The following ALMS1 variants were observed in gnomAD, a reference collection of about 807,000 sequenced individuals.
The protein encoded by ALMS1 is ALMS1 centrosome and basal body associated protein.
Under a neutral mutation model 352.2 loss-of-function variants are expected in ALMS1, and 271 were observed. The observed-to-expected ratio is 0.77, with a 90% CI of 0.70 to 0.85. The LOEUF is 0.85. ALMS1 is among the 40% of genes least tolerant of loss of function. The pLI, the probability that ALMS1 is intolerant of heterozygous loss-of-function variation, is 0.00. For missense variants in ALMS1, 5,445 were observed against 4,870.7 expected (o/e 1.12, Z -3.51); for synonymous variants, 1,865 against 1,761.2 (o/e 1.06, Z -1.48).
intron 10 of ALMS1, among the ~76,000 whole-genome samples, chr2:73,511,410 G>A (rs920853603): frequency 5.3e-5 from 8 of 152,062 alleles, no homozygotes; most frequent in African/African-American, 1.9e-4. Context: ...GCTTCCCTTG[G>A]TTAGGGGAGG....
In ALMS1 at chr2:73,579,063, C is replaced by CTTTTTTT. The variant is rs372240184; in HGVS notation, c.11547+5640_11547+5646dup. Among the ~76,000 whole-genome samples, 303 of 119,018 alleles carry CTTTTTTT rather than the reference C, an allele frequency of 2.5e-3. 42 individuals carry two copies. Among genetic ancestry groups the CTTTTTTT allele is most frequent in the African/African-American group, 8.1e-3 (188 of 23,180 alleles). The allele number at this position is 119,018 out of a possible 152,430, so 78.1% of individuals were successfully genotyped here. ...GAATGTCTTTAATTTCTCCTTTATTCTTTTTTTATTTATTTTTTTTTTTGA... is the reference window on the plus strand; with the variant it reads ...GAATGTCTTTAATTTCTCCTTTATTCTTTTTTTTTTTTTTATTTATTTTTTTTTTTGA... On this transcript the variant is annotated intron_variant, in intron 16 of 22. Coordinates refer to ENST00000613296, the MANE Select transcript of ALMS1 (RefSeq NM_001378454.1).
At chr2:73,594,779 C>T (rs1256366134) in intron 16 of ALMS1, among the ~76,000 whole-genome samples, 1 of 152,242 alleles carries the variant, frequency 6.6e-6, no homozygotes, top group Non-Finnish European at 1.5e-5. Flanking sequence ...CCCCCACCTC[C>T]TTTCCTGATG....
Position 73,385,919 on chromosome 2 carries a change from GGAGGAGGAGGAGGAGGAGGAGGAA to G in ALMS1, c.62_85del (p.Glu21_Glu28del). 2 of 910,772 alleles carry G rather than the reference GGAGGAGGAGGAGGAGGAGGAGGAA, an allele frequency of 2.2e-6. No individual in the cohort carries two copies. The highest frequency in any genetic ancestry group is 3.5e-6 in the Non-Finnish European group (2 of 577,314). 56.4% of individuals were successfully genotyped at this position (910,772 alleles called of 1,614,324 possible). A position where few individuals can be genotyped will look rare whatever the true frequency, so the allele number is the denominator to read the frequency against. On this transcript the variant is annotated inframe_deletion, in exon 1 of 23. Transcript: ENST00000613296. ...CGGGCGAGCTGGAGGAGGAGGAGGA[GGAGGAGGAGGAGGAGGAGGAGGAA>G]GAGGAGGAGGCTGCAGCGGCGGCGG...
intron 10 of ALMS1, among the ~76,000 whole-genome samples, chr2:73,502,585 T>C (rs1423160985): frequency 6.6e-6 from 1 of 152,112 alleles, no homozygotes; most frequent in Non-Finnish European, 1.5e-5. Flanking sequence ...GAGGATGTTT[T>C]CTAAGTGAGT....
At chr2:73,528,515 A>G (rs1049977078) in intron 11 of ALMS1, among the ~76,000 whole-genome samples, 3 of 152,008 alleles carry the variant, frequency 2.0e-5, no homozygotes, top group Non-Finnish European at 4.4e-5. Context: ...CTTAAAGTCT[A>G]TTTTGTCTGA....
chr2:73,389,972 C>T (rs1012680590), intron 1 of ALMS1, among the ~76,000 whole-genome samples: 4 of 152,162 alleles, frequency 2.6e-5, no homozygotes, highest in Admixed American at 6.5e-5. Context: ...GAGGCATGAG[C>T]CACCGCGCCC....
chr2:73,389,270 C>G (rs965834910), intron 1 of ALMS1, among the ~76,000 whole-genome samples: 1 of 152,058 alleles, frequency 6.6e-6, no homozygotes, highest in South Asian at 2.1e-4. Context: ...CTTTTGCCCG[C>G]TTTTTAGTGG....
At chr2:73,444,282 G>T (rs1671767740) in intron 7 of ALMS1, among the ~76,000 whole-genome samples, 1 of 152,072 alleles carries the variant, frequency 6.6e-6, no homozygotes, top group African/African-American at 2.4e-5. Flanking sequence ...CTTTGAGTAG[G>T]GGTGCACCTA....
At chr2:73,598,253 C>T (rs1675594456) in intron 16 of ALMS1, among the ~76,000 whole-genome samples, 1 of 152,112 alleles carries the variant, frequency 6.6e-6, no homozygotes, top group African/African-American at 2.4e-5. Flanking sequence ...TTTTGGTTAG[C>T]CAGTAAAGTG....
chr2:73,480,795 G>C (rs1294636781), intron 9 of ALMS1, among the ~76,000 whole-genome samples: 1 of 151,434 alleles, frequency 6.6e-6, no homozygotes, highest in Admixed American at 6.6e-5. Flanking sequence ...GTATCTCATT[G>C]TGGTTTTGAT....
At chr2:73,589,100 G>C (rs976332187) in intron 16 of ALMS1, among the ~76,000 whole-genome samples, 3 of 151,946 alleles carry the variant, frequency 2.0e-5, no homozygotes, top group Admixed American at 1.3e-4. Flanking sequence ...ATAAAAATAT[G>C]AATTATGATT....
chr2:73,559,039 A>G lies in ALMS1; in HGVS notation c.10281A>G (p.Pro3427=), dbSNP rs373415829. 3.7e-6 allele frequency: 6 copies of G among 1,614,082 alleles called. No homozygotes were observed. Among genetic ancestry groups the G allele is most frequent in the Non-Finnish European group, 5.1e-6 (6 of 1,179,954 alleles). The change falls in exon 15 of 23, where the codon CCA becomes CCG. Residue 3427 remains proline (P), a synonymous_variant. Coordinates refer to ENST00000613296, the MANE Select transcript of ALMS1 (RefSeq NM_001378454.1). ...GAGACCCAGAAATGAAGAACTTGCC[A>G]GACACTAAAGCCATTACACAGAAAG... is the stretch of plus-strand genomic sequence containing the variant. The part of the protein sequence containing the change: ...QVGDPEMKNL[P]DTKAITQKEE...
chr2:73,394,920 T>G lies in ALMS1; in HGVS notation c.324+8728T>G, dbSNP rs139264824. 9.8e-3 allele frequency among the ~76,000 whole-genome samples: 1,479 copies of G among 151,380 alleles called. 99 individuals carry two copies. Among genetic ancestry groups the G allele is most frequent in the Admixed American group, 0.082 (1,236 of 15,152 alleles). ...CACTGTGGTAAGTATTTGTGTTGGA[T>G]ACGTTTGTGTATCTAACACAAATAC... On this transcript the variant is annotated intron_variant, in intron 1 of 22. Coordinates refer to ENST00000613296, the MANE Select transcript of ALMS1 (RefSeq NM_001378454.1).
intron 21 of ALMS1, 69 bp downstream of exon 21, chr2:73,603,373 C>A: frequency 1.4e-6 from 2 of 1,390,732 alleles, no homozygotes; most frequent in Non-Finnish European, 2.0e-6. Context: ...GGAGCTCTGG[C>A]TTGCACCCAG....
At chr2:73,575,232 G>A (rs1368966795) in intron 16 of ALMS1, among the ~76,000 whole-genome samples, 1 of 152,116 alleles carries the variant, frequency 6.6e-6, no homozygotes, top group Non-Finnish European at 1.5e-5. Flanking sequence ...GAACGTTTGT[G>A]TACACCTGTC....
At chr2:73,428,648 C>T (rs1250383731) in intron 6 of ALMS1, among the ~76,000 whole-genome samples, 3 of 152,190 alleles carry the variant, frequency 2.0e-5, no homozygotes, top group Non-Finnish European at 4.4e-5. Context: ...TTTAATCTGT[C>T]CTTAAATATA....
At chr2:73,510,024 T>C (rs936165969) in intron 10 of ALMS1, among the ~76,000 whole-genome samples, 14 of 152,208 alleles carry the variant, frequency 9.2e-5, no homozygotes, top group Admixed American at 5.2e-4. Flanking sequence ...TTGATACTTA[T>C]GTATGCTTCT....
intron 4 of ALMS1, among the ~76,000 whole-genome samples, chr2:73,423,767 C>T (rs1671327737): frequency 6.6e-6 from 1 of 151,704 alleles, no homozygotes; most frequent in Non-Finnish European, 1.5e-5. Context: ...TTCTCTTTCT[C>T]TTTTTGTTTG....
rs766569520 is a variant in ALMS1 at position 73,449,552 on chromosome 2, C to T, written c.3025C>T (p.Pro1009Ser). 6.2e-7 allele frequency: 1 copy of T among 1,614,012 alleles called. No homozygotes were observed. The highest frequency in any genetic ancestry group is 8.5e-7 in the Non-Finnish European group (1 of 1,179,948). Reference protein sequence around the residue: ...PSGSFSHREKPSIFYQQEWPD... With the variant: ...PSGSFSHREKSSIFYQQEWPD... ...AGGTTCCTTCTCACATAGAGAGAAG[C>T]CCAGTATTTTCTATCAACAGGAGTG... is the stretch of plus-strand genomic sequence containing the variant. Residue 1009 changes from proline to serine, a missense_variant, in exon 8 of 23, where the codon CCC (proline) becomes TCC (serine). By Grantham distance (74) the Pro-to-Ser change is moderately conservative. Transcript: ENST00000613296.
Sources: allele counts gnomAD v4.1 joint callset (sites outside exome capture counted in the v4.1 genomes callset), GRCh38; gene constraint gnomAD v4.1.1; transcripts MANE v1.5; gene names NCBI Gene and HGNC (gene_info 2026-07-23, HGNC 2026-07-21).